The following FBH1 variants were observed in gnomAD, a reference collection of about 807,000 sequenced individuals.
FBH1 encodes F-box DNA helicase 1.
Under a neutral mutation model 115.5 loss-of-function variants are expected in FBH1, and 43 were observed. The observed-to-expected ratio is 0.37, with a 90% CI of 0.29 to 0.48. FBH1 has a LOEUF of 0.48. FBH1 is among the 20% of genes least tolerant of loss of function. The pLI is 0.99. For synonymous variants in FBH1, 524 were observed against 507.8 expected (o/e 1.03, Z -0.43); for missense variants, 1,001 against 1,337.3 (o/e 0.75, Z 3.92).
rs1831814229 is a variant in FBH1, at chr10:5,914,632, G to A, written c.1396+363G>A. On this transcript the variant is annotated intron_variant, in intron 8 of 20. Transcript: ENST00000362091. The surrounding 1 kb of genome is among the most constrained non-coding windows in gnomAD (Gnocchi z 5.2). The stretch of plus-strand genomic sequence containing the variant: ...TTCAGGAGCTCCCCAGTTTTATAGG[G>A]TGATGTCTAGAGGGCCTGCCTTAGA... Among the ~76,000 whole-genome samples the A allele has an allele frequency of 6.6e-6, 1 of 152,174 alleles. No individual in the cohort carries two copies. Among genetic ancestry groups the A allele is most frequent in the South Asian group, 2.1e-4 (1 of 4,830 alleles).
intron 3 of FBH1, among the ~76,000 whole-genome samples, chr10:5,907,709 A>T (rs1843797511): frequency 6.6e-6 from 1 of 152,050 alleles, no homozygotes. Flanking sequence ...CCTGGCCTTA[A>T]GTGATCCGCC....
At chr10:5,903,758 C>G (rs1304654264) in intron 2 of FBH1, among the ~76,000 whole-genome samples, 1 of 152,172 alleles carries the variant, frequency 6.6e-6, no homozygotes, top group Non-Finnish European at 1.5e-5. Flanking sequence ...CACTCTTATT[C>G]CAATCCAGAA....
Position 5,917,300 on chromosome 10 carries a change from G to T in FBH1, c.1789-120G>T. On this transcript the variant is annotated intron_variant, in intron 10 of 20. Transcript: ENST00000362091. This position sits in a 1 kb window ranked among gnomAD's most constrained non-coding sequence, Gnocchi z 5.6. Reference sequence around the variant, plus strand: ...CCCAGGAGGTTAGGGTGGTGTCTGCGGTCCCCCTTCTGTGAGGATGCCCTG... The same window carrying T: ...CCCAGGAGGTTAGGGTGGTGTCTGCTGTCCCCCTTCTGTGAGGATGCCCTG... 1 of 769,944 alleles carries T rather than the reference G, an allele frequency of 1.3e-6. No individual in the cohort carries two copies. Among genetic ancestry groups the T allele is most frequent in the East Asian group, 2.6e-5 (1 of 38,024 alleles). 47.7% of individuals were successfully genotyped at this position (769,944 alleles called of 1,614,324 possible). A position where few individuals can be genotyped will look rare whatever the true frequency, so the allele number is the denominator to read the frequency against.
chr10:5,924,228 C>T lies in FBH1; in HGVS notation c.2399-83C>T, dbSNP rs112192082. 1.3e-5 allele frequency: 18 copies of T among 1,387,678 alleles called. No individual in the cohort carries two copies. The Middle Eastern group carries it at 8.3e-4, about 64-fold the overall frequency. The allele number at this position is 1,387,678 out of a possible 1,614,324, so 86.0% of individuals were successfully genotyped here. On this transcript the variant is annotated intron_variant, in intron 16 of 20. Transcript: ENST00000362091. The surrounding 1 kb of genome is among the most constrained non-coding windows in gnomAD (Gnocchi z 6.2). ...CACTTTAAGACCATCTGCTCTTGCG[C>T]AGCTGCTTAGGAACGTGCAGCACCT...
At chr10:5,926,484 A>G (rs1339539659) in intron 18 of FBH1, among the ~76,000 whole-genome samples, 1 of 152,210 alleles carries the variant, frequency 6.6e-6, no homozygotes, top group Non-Finnish European at 1.5e-5. Context: ...CATCAGTGCT[A>G]TTGCTTTGGT....
In FBH1 at chr10:5,896,064, C is replaced by T. The variant is rs141201801; in HGVS notation, c.1+5718C>T. ...GAAAGCATAGGGGAGGAGTGGCAGACACGCAGTTCTCACTCTGCGACTGCA... is the reference window on the plus strand; with the variant it reads ...GAAAGCATAGGGGAGGAGTGGCAGATACGCAGTTCTCACTCTGCGACTGCA... On this transcript the variant is annotated intron_variant, in intron 1 of 20. Coordinates refer to ENST00000362091, the MANE Select transcript of FBH1 (RefSeq NM_178150.3). 2.6e-5 allele frequency among the ~76,000 whole-genome samples: 4 copies of T among 152,308 alleles called. No individual in the cohort carries two copies. The East Asian group carries it at 7.7e-4, about 29-fold the overall frequency.
chr10:5,917,346 T>A lies in FBH1; in HGVS notation c.1789-74T>A. 5 of 1,252,350 alleles carry A rather than the reference T, an allele frequency of 4.0e-6. No homozygotes were observed. Among genetic ancestry groups the A allele is most frequent in the Non-Finnish European group, 5.8e-6 (5 of 863,226 alleles). 77.6% of individuals were successfully genotyped at this position (1,252,350 alleles called of 1,614,324 possible). Reference sequence around the variant, plus strand: ...CCCTGGCTCCACTGCTGTATGGGAGTTGACAGTGTGACCGCAGGGTGCTGC... The same window carrying A: ...CCCTGGCTCCACTGCTGTATGGGAGATGACAGTGTGACCGCAGGGTGCTGC... On this transcript the variant is annotated intron_variant, in intron 10 of 20. Transcript: ENST00000362091. The surrounding 1 kb of genome is among the most constrained non-coding windows in gnomAD (Gnocchi z 5.6).
At position 5,932,332 on chromosome 10, in the gene FBH1, G is replaced by A. The variant is rs1381605329; in HGVS notation, c.2830-4124G>A. ...ATATTCTCCTTTTCCACAGAAGGTA[G>A]CATTTCAGATACACTGTTGTGTACT... On this transcript the variant is annotated intron_variant, in intron 19 of 20. Coordinates refer to ENST00000362091, the MANE Select transcript of FBH1 (RefSeq NM_178150.3). The surrounding 1 kb of genome is among the most constrained non-coding windows in gnomAD (Gnocchi z 5.9). Among the ~76,000 whole-genome samples the A allele has an allele frequency of 6.6e-6, 1 of 152,232 alleles. No individual in the cohort carries two copies. The highest frequency in any genetic ancestry group is 1.5e-5 in the Non-Finnish European group (1 of 68,048).
intron 18 of FBH1, among the ~76,000 whole-genome samples, chr10:5,926,544 G>A (rs1832663297): frequency 6.6e-6 from 1 of 152,224 alleles, no homozygotes; most frequent in Non-Finnish European, 1.5e-5. Context: ...AACAAACAAA[G>A]CTGTCTGTTA....
rs1445058173 is a variant in FBH1 at position 5,895,714 on chromosome 10, C to T, written c.1+5368C>T. ...TAAAGCAGTAGTCCGAGGATTGAGG[C>T]TGCTGGAGGCTCTTCTATTTTGAAC... On this transcript the variant is annotated intron_variant, in intron 1 of 20. Transcript: ENST00000362091. This position sits in a 1 kb window ranked among gnomAD's most constrained non-coding sequence, Gnocchi z 5.0. 6.6e-6 allele frequency among the ~76,000 whole-genome samples: 1 copy of T among 152,108 alleles called. No individual in the cohort carries two copies. Among genetic ancestry groups the T allele is most frequent in the Non-Finnish European group, 1.5e-5 (1 of 68,024 alleles).
chr10:5,894,115 C>T (rs772803561), intron 1 of FBH1: 32 of 985,276 alleles, frequency 3.2e-5, no homozygotes, highest in Non-Finnish European at 3.7e-5. Flanking sequence ...TTTTGGATTT[C>T]TGGAGAAGCA....
chr10:5,890,699 G>T (rs553173438), intron 1 of FBH1, among the ~76,000 whole-genome samples: 1 of 152,328 alleles, frequency 6.6e-6, no homozygotes, highest in African/African-American at 2.4e-5. Flanking sequence ...AGGCTTTCCC[G>T]TCTACTCTGA....
At position 5,924,648 on chromosome 10, in the gene FBH1, A is replaced by G. The variant is rs575165007; in HGVS notation, c.2596+140A>G. ...AGTGGCGTGATCTTGGCTCACTGCA[A>G]TGCCCACCTTCTGGGTTCAAGCAAT... On this transcript the variant is annotated intron_variant, in intron 17 of 20. Coordinates refer to ENST00000362091, the MANE Select transcript of FBH1 (RefSeq NM_178150.3). The surrounding 1 kb of genome is among the most constrained non-coding windows in gnomAD (Gnocchi z 6.2). 391 of 826,010 alleles carry G rather than the reference A, an allele frequency of 4.7e-4. 1 individual carries two copies. The African/African-American group carries it at 5.2e-3, about 11-fold the overall frequency. 51.2% of individuals were successfully genotyped at this position (826,010 alleles called of 1,614,324 possible).
In FBH1 at chr10:5,906,121, T is replaced by C. The variant is rs774307717; in HGVS notation, c.242T>C (p.Val81Ala). 1.9e-6 allele frequency: 3 copies of C among 1,614,174 alleles called. No homozygotes were observed. Among genetic ancestry groups the C allele is most frequent in the South Asian group, 2.2e-5 (2 of 91,082 alleles). ...AATGACATGGCCAAAAGCAATTCTG[T>C]TGGCCAGGACAGCTGTCAGGACTCT... ...CTNDMAKSNS[V>A]GQDSCQDSEG... is the part of the protein sequence containing the mutation. The change falls in exon 3 of 21, where the codon GTT becomes GCT. Residue 81 changes from valine to alanine, a missense_variant. Val to Ala is a moderately conservative substitution (Grantham distance 64). Coordinates refer to ENST00000362091, the MANE Select transcript of FBH1 (RefSeq NM_178150.3). This position sits in a 1 kb window ranked among gnomAD's most constrained non-coding sequence, Gnocchi z 7.3.
intron 1 of FBH1, 114 bp downstream of exon 1, chr10:5,890,460 C>T (rs1212470771): frequency 1.8e-5 from 6 of 327,334 alleles, no homozygotes; most frequent in Non-Finnish European, 2.9e-5. Context: ...CAGCGGGGGC[C>T]CCGGGGGCGC....
Position 5,915,296 on chromosome 10 carries a change from T to C in FBH1, c.1397-107T>C, listed in dbSNP as rs1487369955. 8.4e-7 allele frequency: 1 copy of C among 1,184,376 alleles called. No homozygotes were observed. Among genetic ancestry groups the C allele is most frequent in the East Asian group, 2.5e-5 (1 of 39,740 alleles). The allele number at this position is 1,184,376 out of a possible 1,614,324, so 73.4% of individuals were successfully genotyped here. ...AGCACTGAAAAACTTGTTACTGTCC[T>C]GCTCTCAAGACAGAGGTGTGATAAG... On this transcript the variant is annotated intron_variant, in intron 8 of 20. Coordinates refer to ENST00000362091, the MANE Select transcript of FBH1 (RefSeq NM_178150.3). This position sits in a 1 kb window ranked among gnomAD's most constrained non-coding sequence, Gnocchi z 5.2.
rs1032498018 is a variant in FBH1 at position 5,923,136 on chromosome 10, G to T, written c.2323-485G>T. ...GGCCTCAAGTGATCCACCTGCCTCA[G>T]CCTCCCAAAGTGCTGGGATTACAGG... is the stretch of plus-strand genomic sequence containing the variant. On this transcript the variant is annotated intron_variant, in intron 15 of 20. Transcript: ENST00000362091. This position sits in a 1 kb window ranked among gnomAD's most constrained non-coding sequence, Gnocchi z 5.7. 2.6e-5 allele frequency among the ~76,000 whole-genome samples: 4 copies of T among 152,176 alleles called. No homozygotes were observed. Among genetic ancestry groups the T allele is most frequent in the African/African-American group, 9.7e-5 (4 of 41,436 alleles).
In FBH1 at chr10:5,915,017, C is replaced by T. The variant is rs953141725; in HGVS notation, c.1397-386C>T. 6.6e-6 allele frequency among the ~76,000 whole-genome samples: 1 copy of T among 152,192 alleles called. No individual in the cohort carries two copies. Among genetic ancestry groups the T allele is most frequent in the Non-Finnish European group, 1.5e-5 (1 of 68,026 alleles). ...TAGGTGGTGGAGGTGGAATTCAAAG[C>T]TGGACCTGTCTCTCTCCAGAGACAT... is the stretch of plus-strand genomic sequence containing the variant. On this transcript the variant is annotated intron_variant, in intron 8 of 20. Coordinates refer to ENST00000362091, the MANE Select transcript of FBH1 (RefSeq NM_178150.3). The surrounding 1 kb of genome is among the most constrained non-coding windows in gnomAD (Gnocchi z 5.2).
At chr10:5,929,201 C>T (rs964349271) in intron 19 of FBH1, among the ~76,000 whole-genome samples, 20 of 152,078 alleles carry the variant, frequency 1.3e-4, no homozygotes, top group African/African-American at 4.8e-4. Flanking sequence ...AGGAGATGGA[C>T]AAGAAAGTGA....
Sources: allele counts gnomAD v4.1 joint callset (sites outside exome capture counted in the v4.1 genomes callset), GRCh38; gene constraint gnomAD v4.1.1; non-coding constraint Gnocchi (gnomAD v3.1); transcripts MANE v1.5; gene names NCBI Gene and HGNC (gene_info 2026-07-23, HGNC 2026-07-21).